The following ANKRD18A variants were observed in gnomAD, a reference collection of about 807,000 sequenced individuals.
ANKRD18A encodes ankyrin repeat domain 18A.
A neutral mutation model predicts 110.6 loss-of-function variants in ANKRD18A; 72 were observed. The ratio of observed to expected loss-of-function variants is 0.65; its 90% confidence interval spans 0.54 to 0.79. ANKRD18A has a LOEUF of 0.79. Ranked by LOEUF, ANKRD18A falls within the 30% of genes least tolerant of loss-of-function variation. The pLI, the probability that ANKRD18A is intolerant of heterozygous loss-of-function variation, is 0.00. For synonymous variants in ANKRD18A, 305 were observed against 410.3 expected (o/e 0.74, Z 3.10); for missense variants, 934 against 1,163.3 (o/e 0.80, Z 2.87).
downstream of ANKRD18A, chr9:38,568,840 C>T: frequency 1.0e-6 from 1 of 985,410 alleles, no homozygotes; most frequent in Non-Finnish European, 1.2e-6. Flanking sequence ...CAGGATGAGG[C>T]CCAACTGGGC....
At chr9:38,571,160 G>T (rs1823626803), downstream of ANKRD18A, 5 of 1,534,738 alleles carry the variant, frequency 3.3e-6, no homozygotes, top group Non-Finnish European at 4.4e-6. Flanking sequence ...TTGGGGACTA[G>T]TGAGCGCATG....
intron 3 of ANKRD18A, among the ~76,000 whole-genome samples, chr9:38,614,819 G>T (rs1825785531): frequency 1.3e-5 from 2 of 152,174 alleles, no homozygotes; most frequent in African/African-American, 2.4e-5. Context: ...GATTTGAAAG[G>T]AGAGTTTAGA....
chr9:38,619,657 C>T (rs2118919752), intron 1 of ANKRD18A, among the ~76,000 whole-genome samples: 1 of 152,248 alleles, frequency 6.6e-6, no homozygotes, highest in African/African-American at 2.4e-5. Context: ...TCTTCCCATT[C>T]AAGGAACCCA....
At position 38,571,641 on chromosome 9, in the gene ANKRD18A, G is replaced by A. The variant is rs1823646695; in HGVS notation, c.*404C>T. 2.0e-6 allele frequency: 2 copies of A among 1,013,286 alleles called. No homozygotes were observed. The highest frequency in any genetic ancestry group is 4.9e-4 in the Middle Eastern group (1 of 2,038). 62.8% of individuals were successfully genotyped at this position (1,013,286 alleles called of 1,614,324 possible). On this transcript the variant is annotated 3_prime_UTR_variant, in exon 16 of 16. Transcript: ENST00000399703. Reference sequence around the variant, plus strand: ...CCTACTACATATGGTAATAAAAACTGTAAAATGCAAAGAAGCCCTCGATGA... The same window carrying A: ...CCTACTACATATGGTAATAAAAACTATAAAATGCAAAGAAGCCCTCGATGA...
At chr9:38,619,712 C>T (rs1445287571) in intron 1 of ANKRD18A, among the ~76,000 whole-genome samples, 2 of 152,190 alleles carry the variant, frequency 1.3e-5, no homozygotes, top group Non-Finnish European at 2.9e-5. Context: ...AGTAAAGAAC[C>T]TGTCTACCTA....
intron 7 of ANKRD18A, among the ~76,000 whole-genome samples, chr9:38,602,213 T>A (rs1261218568): frequency 2.0e-5 from 3 of 150,334 alleles, no homozygotes; most frequent in African/African-American, 7.4e-5. Context: ...GTGTAGACAG[T>A]CTTTATTTTA....
Position 38,599,819 on chromosome 9 carries a change from A to C in ANKRD18A, c.936+1312T>G, listed in dbSNP as rs1825046213. ...ATACAGATATATCCTCTTTATTACA[A>C]TTCTTACTCAGTTCTGGTTCTTGAG... On this transcript the variant is annotated intron_variant, in intron 8 of 15. Coordinates refer to ENST00000399703, the MANE Select transcript of ANKRD18A (RefSeq NM_147195.4). Among the ~76,000 whole-genome samples, 4 of 152,168 alleles carry C rather than the reference A, an allele frequency of 2.6e-5. 1 individual carries two copies. In the South Asian group the frequency reaches 8.3e-4, roughly 32 times the overall value.
At chr9:38,601,345 GA>G (rs1169342455) in intron 7 of ANKRD18A, 141 bp from the exon 8 acceptor site, 2 of 915,134 alleles carry the variant, frequency 2.2e-6, no homozygotes, top group East Asian at 5.6e-5. Flanking sequence ...ACATTTTTAA[GA>G]AACATTTCTA....
intron 12 of ANKRD18A, among the ~76,000 whole-genome samples, chr9:38,585,184 A>G (rs931001972): frequency 1.4e-4 from 21 of 152,108 alleles, no homozygotes; most frequent in Non-Finnish European, 2.5e-4. Flanking sequence ...GAAAAGATAT[A>G]TTTACCCTCT....
In ANKRD18A at chr9:38,611,447, C is replaced by T; in HGVS notation, c.496-126G>A. On this transcript the variant is annotated intron_variant, in intron 3 of 15. Coordinates refer to ENST00000399703, the MANE Select transcript of ANKRD18A (RefSeq NM_147195.4). The stretch of plus-strand genomic sequence containing the variant: ...AGAGAGAAAGTAAATGCAAAGCAGT[C>T]CCGTCCCTTTCACTCCTCTGTGCTT... 4 of 1,458,536 alleles carry T rather than the reference C, an allele frequency of 2.7e-6. No individual in the cohort carries two copies. The South Asian group carries it at 6.0e-5, about 22-fold the overall frequency. The allele number at this position is 1,458,536 out of a possible 1,614,324, so 90.3% of individuals were successfully genotyped here.
At chr9:38,605,193 C>T (rs1825298565) in intron 6 of ANKRD18A, among the ~76,000 whole-genome samples, 2 of 152,296 alleles carry the variant, frequency 1.3e-5, no homozygotes, top group African/African-American at 4.8e-5. Flanking sequence ...TAATAACAAT[C>T]TCCCAACTGT....
At chr9:38,587,348 A>T (rs1237927027) in intron 11 of ANKRD18A, among the ~76,000 whole-genome samples, 2 of 152,202 alleles carry the variant, frequency 1.3e-5, no homozygotes, top group Non-Finnish European at 2.9e-5. Flanking sequence ...ATGGAAAAGT[A>T]GCTGTGTTCA....
At chr9:38,599,343 G>A (rs1335161220) in intron 8 of ANKRD18A, among the ~76,000 whole-genome samples, 3 of 152,122 alleles carry the variant, frequency 2.0e-5, no homozygotes, top group Non-Finnish European at 2.9e-5. Flanking sequence ...ATCAGATTAC[G>A]GGGCACTCCC....
At chr9:38,603,128 T>C (rs1431283983) in intron 7 of ANKRD18A, 31 bp downstream of exon 7, 22 of 1,516,930 alleles carry the variant, frequency 1.5e-5, no homozygotes, top group South Asian at 1.2e-5. Flanking sequence ...TCTCTTTACA[T>C]GGTTAGGAGT....
chr9:38,610,895 T>C lies in ANKRD18A; in HGVS notation c.602+320A>G, dbSNP rs538100654. ...ATAATAATAATGGTAATAGTAGTAG[T>C]TGTAAACTGAAAGTTAAAGTCTACA... On this transcript the variant is annotated intron_variant, in intron 4 of 15. Coordinates refer to ENST00000399703, the MANE Select transcript of ANKRD18A (RefSeq NM_147195.4). Among the ~76,000 whole-genome samples, 28 of 150,734 alleles carry C rather than the reference T, an allele frequency of 1.9e-4. 1 individual carries two copies. The highest frequency in any genetic ancestry group is 6.4e-4 in the African/African-American group (26 of 40,754).
chr9:38,598,213 C>G (rs1249380847), intron 8 of ANKRD18A, among the ~76,000 whole-genome samples: 1 of 152,134 alleles, frequency 6.6e-6, no homozygotes, highest in African/African-American at 2.4e-5. Context: ...AAAAAAGAAT[C>G]TAGACATTAT....
chr9:38,592,364 A>C (rs1824687655), intron 10 of ANKRD18A, among the ~76,000 whole-genome samples: 2 of 152,226 alleles, frequency 1.3e-5, no homozygotes, highest in Admixed American at 6.5e-5. Context: ...AAAAATGAAA[A>C]GCCATGTCAA....
chr9:38,575,436 G>A (rs1373558928), intron 15 of ANKRD18A, 40 bp downstream of exon 15: 1 of 1,499,472 alleles, frequency 6.7e-7, no homozygotes, highest in Admixed American at 2.2e-5. Context: ...AATTATATTA[G>A]AGAAATGAAA....
At chr9:38,579,375 T>C (rs990610801) in intron 12 of ANKRD18A, among the ~76,000 whole-genome samples, 1 of 152,116 alleles carries the variant, frequency 6.6e-6, no homozygotes, top group African/African-American at 2.4e-5. Context: ...ACCTGTAGAA[T>C]GGAAGAAAAC....
Sources: allele counts gnomAD v4.1 joint callset (sites outside exome capture counted in the v4.1 genomes callset), GRCh38; gene constraint gnomAD v4.1.1; transcripts MANE v1.5; gene names NCBI Gene and HGNC (gene_info 2026-07-23, HGNC 2026-07-21).